Variants in ZBTB20 observed in about 807,000 individuals in gnomAD.
ZBTB20 encodes zinc finger and BTB domain-containing protein 20.
Under a neutral mutation model 56.9 loss-of-function variants are expected in ZBTB20, and 9 were observed. The ratio of observed to expected loss-of-function variants is 0.16; its 90% CI spans 0.10 to 0.28. The LOEUF (loss-of-function observed/expected upper bound fraction) is 0.28. Ranked by LOEUF, ZBTB20 falls within the 10% of genes least tolerant of loss-of-function variation. The pLI is 1.00. For missense variants in ZBTB20, 655 were observed against 1,003.0 expected, an observed-to-expected ratio of 0.65 and a Z score of 4.69; for synonymous variants, 417 against 420.7, an observed-to-expected ratio of 0.99 and a Z score of 0.11.
chr3:114,752,429 A>T (rs1310630282), intron 5 of ZBTB20, among the ~76,000 whole-genome samples: 1 of 152,230 alleles, frequency 6.6e-6, no homozygotes, highest in Admixed American at 6.5e-5. Flanking sequence ...ACTATCTGCC[A>T]ATTAAAATGC....
In ZBTB20 at chr3:114,322,309, C is replaced by G. The variant is rs2078923194; in HGVS notation, c.*16696G>C. The G allele has an allele frequency of 1.3e-5, 2 of 152,176 alleles. No homozygotes were observed. Among genetic ancestry groups the G allele is most frequent in the South Asian group, 4.1e-4 (2 of 4,828 alleles). 9.4% of individuals were successfully genotyped at this position (152,176 alleles called of 1,614,324 possible). A position where few individuals can be genotyped will look rare whatever the true frequency, so the allele number is the denominator to read the frequency against. ...TTATTTTTTTCTATTTTTTAAACCT[C>G]TGATCAAATCCAAAGTCATAAAGAT... On this transcript the variant is annotated 3_prime_UTR_variant, in exon 12 of 12. Transcript: ENST00000675478.
chr3:114,981,071 T>G (rs1004305112), intron 2 of ZBTB20, among the ~76,000 whole-genome samples: 1 of 152,004 alleles, frequency 6.6e-6, no homozygotes, highest in African/African-American at 2.4e-5. Flanking sequence ...GAAGGGCCTC[T>G]GGGACGATGA....
chr3:114,602,119 C>A (rs1300401388), intron 6 of ZBTB20, among the ~76,000 whole-genome samples: 2 of 151,990 alleles, frequency 1.3e-5, no homozygotes, highest in Non-Finnish European at 2.9e-5. Flanking sequence ...TTAATCATCT[C>A]ACATGATTTG....
intron 6 of ZBTB20, among the ~76,000 whole-genome samples, chr3:114,620,164 C>A (rs548263415): frequency 1.8e-4 from 27 of 152,248 alleles, no homozygotes; most frequent in African/African-American, 6.5e-4. Flanking sequence ...TTGTGGGGAA[C>A]CTTAGCAATC....
At chr3:114,912,741 A>T (rs1012095551) in intron 3 of ZBTB20, among the ~76,000 whole-genome samples, 2 of 151,632 alleles carry the variant, frequency 1.3e-5, no homozygotes, top group South Asian at 2.1e-4. Flanking sequence ...AACCATCCCC[A>T]CTTCCCCGGC....
At position 114,389,685 on chromosome 3, in the gene ZBTB20, C is replaced by T. The variant is rs569423377; in HGVS notation, c.-254-580G>A. ...TGTGAGGATCACGAGGTCAGGAGATCGAGACCATCCCAGCCAACACAGTGA... is the reference window on the plus strand; with the variant it reads ...TGTGAGGATCACGAGGTCAGGAGATTGAGACCATCCCAGCCAACACAGTGA... On this transcript the variant is annotated intron_variant, in intron 7 of 11. Coordinates refer to ENST00000675478, the MANE Select transcript of ZBTB20 (RefSeq NM_001348800.3). 1.6e-3 allele frequency among the ~76,000 whole-genome samples: 246 copies of T among 151,156 alleles called. 3 individuals carry two copies. Among genetic ancestry groups the T allele is most frequent in the African/African-American group, 5.8e-3 (238 of 41,216 alleles).
rs189287609 is a variant in ZBTB20 at position 114,949,005 on chromosome 3, G to A, written c.-456+25361C>T. Among the ~76,000 whole-genome samples, 68 of 145,984 alleles carry A rather than the reference G, an allele frequency of 4.7e-4. 2 individuals are homozygous for A. In the East Asian group the frequency reaches 8.5e-3, roughly 18 times the overall value. On this transcript the variant is annotated intron_variant, in intron 3 of 11. Coordinates refer to ENST00000675478, the MANE Select transcript of ZBTB20 (RefSeq NM_001348800.3). ...ATCTAAAAGATGAGCACAGCTAAAA[G>A]ATTTACACTACCAGATATTAAGATT...
At chr3:114,827,876 G>T (rs145928902) in intron 4 of ZBTB20, among the ~76,000 whole-genome samples, 1 of 151,736 alleles carries the variant, frequency 6.6e-6, no homozygotes, top group African/African-American at 2.4e-5. Flanking sequence ...CCTGGGCCTG[G>T]TTTTTTATTT....
At chr3:114,680,897 G>C (rs1233529565) in intron 6 of ZBTB20, among the ~76,000 whole-genome samples, 2 of 152,106 alleles carry the variant, frequency 1.3e-5, no homozygotes, top group East Asian at 3.9e-4. Context: ...GGTATTTATT[G>C]ACTGTCTCAC....
intron 5 of ZBTB20, chr3:114,791,863 T>G (rs1302165631): frequency 6.6e-6 from 1 of 152,118 alleles, no homozygotes; most frequent in Non-Finnish European, 1.5e-5. Flanking sequence ...TCGACAGTAA[T>G]CAGAAGAGTG....
At chr3:114,552,006 G>A (rs1488121679) in intron 6 of ZBTB20, among the ~76,000 whole-genome samples, 2 of 152,178 alleles carry the variant, frequency 1.3e-5, no homozygotes, top group African/African-American at 4.8e-5. Flanking sequence ...GGCCAGGAGT[G>A]TGAGACCAGC....
intron 5 of ZBTB20, among the ~76,000 whole-genome samples, chr3:114,699,619 T>A (rs777314850): frequency 5.3e-5 from 8 of 152,184 alleles, no homozygotes; most frequent in Non-Finnish European, 1.0e-4. Flanking sequence ...AAAATGGGGC[T>A]ACCATCTTGT....
intron 7 of ZBTB20, among the ~76,000 whole-genome samples, chr3:114,476,245 T>C (rs117438687): frequency 6.6e-6 from 1 of 152,302 alleles, no homozygotes; most frequent in East Asian, 1.9e-4. Context: ...ACATCTAGCT[T>C]ATTTCCAGTT....
chr3:114,889,268 G>C (rs1049562697), intron 4 of ZBTB20, among the ~76,000 whole-genome samples: 11 of 151,750 alleles, frequency 7.2e-5, no homozygotes, highest in African/African-American at 2.7e-4. Context: ...GTTTAAAGCA[G>C]GAAAGAATGA....
chr3:114,524,542 T>C (rs181897922), intron 6 of ZBTB20, among the ~76,000 whole-genome samples: 1 of 152,274 alleles, frequency 6.6e-6, no homozygotes, highest in East Asian at 1.9e-4. Flanking sequence ...GGGGGAGTTA[T>C]GGGAACACTT....
chr3:114,983,145 A>G (rs901882267), intron 2 of ZBTB20, among the ~76,000 whole-genome samples: 3 of 151,994 alleles, frequency 2.0e-5, no homozygotes, highest in Non-Finnish European at 4.4e-5. Context: ...ACCCAATGAA[A>G]TAAGATTTTA....
intron 6 of ZBTB20, among the ~76,000 whole-genome samples, chr3:114,565,302 T>C (rs1423172774): frequency 6.6e-6 from 1 of 152,212 alleles, no homozygotes; most frequent in Non-Finnish European, 1.5e-5. Flanking sequence ...CAGGACTCAC[T>C]GAACTACAGA....
chr3:114,907,409 T>G (rs1229175996), intron 3 of ZBTB20, among the ~76,000 whole-genome samples: 1 of 151,900 alleles, frequency 6.6e-6, no homozygotes, highest in Admixed American at 6.6e-5. Context: ...CGTTATCTTT[T>G]CTGTGTACGT....
At chr3:114,753,414 T>C (rs199672440) in intron 5 of ZBTB20, among the ~76,000 whole-genome samples, 4 of 15,476 alleles carry the variant, frequency 2.6e-4, no homozygotes, top group Non-Finnish European at 1.9e-3. Context: ...TACACACACG[T>C]ATATATATAT....
Sources: gnomAD v4.1 joint callset for allele counts (sites outside exome capture counted in the v4.1 genomes callset) on GRCh38, gnomAD v4.1.1 for gene constraint, MANE v1.5 for transcripts, NCBI Gene and HGNC (gene_info 2026-07-23, HGNC 2026-07-21) for gene names.